The following DLGAP5 variants were observed in gnomAD, a reference collection of about 807,000 sequenced individuals.
DLGAP5 encodes the protein DLG associated protein 5, also known as disks large-associated protein 5.
DLGAP5 carries 90 observed loss-of-function variants against 99.6 expected under a neutral mutation model. That is an observed-to-expected ratio of 0.90 (90% CI 0.76 to 1.08). DLGAP5 has a LOEUF of 1.08. Among genes scored for constraint, DLGAP5 ranks in the 50% least tolerant of loss-of-function variants. The pLI is 0.00. For missense variants in DLGAP5, 1,036 were observed against 983.5 expected (o/e 1.05, Z -0.71); for synonymous variants, 311 against 321.3 (o/e 0.97, Z 0.34).
chr14:55,165,924 G>A (rs117572746), intron 12 of DLGAP5, among the ~76,000 whole-genome samples: 2,365 of 152,292 alleles, frequency 0.016, 31 homozygotes, highest in Non-Finnish European at 0.026. Flanking sequence ...TGAGGATGTC[G>A]AAAAACAGAA....
chr14:55,149,578 T>C (rs979771485), intron 18 of DLGAP5, among the ~76,000 whole-genome samples: 7 of 152,256 alleles, frequency 4.6e-5, no homozygotes, highest in Non-Finnish European at 1.0e-4. Flanking sequence ...ACTTGCTTTA[T>C]GAATGAATTT....
intron 14 of DLGAP5, among the ~76,000 whole-genome samples, chr14:55,155,387 C>T (rs1366878155): frequency 6.7e-6 from 1 of 150,340 alleles, no homozygotes; most frequent in East Asian, 2.0e-4. Context: ...ATTCTTGTTG[C>T]CCAGGCTGGA....
At chr14:55,185,059 C>G (rs1387124241) in intron 2 of DLGAP5, among the ~76,000 whole-genome samples, 1 of 152,192 alleles carries the variant, frequency 6.6e-6, no homozygotes, top group Non-Finnish European at 1.5e-5. Flanking sequence ...ATTTTTTCCT[C>G]TACTGAATTG....
intron 2 of DLGAP5, among the ~76,000 whole-genome samples, chr14:55,187,466 G>A (rs1883471308): frequency 1.3e-5 from 2 of 150,874 alleles, no homozygotes; most frequent in African/African-American, 2.4e-5. Flanking sequence ...TTACAGGTGT[G>A]TGTCACCACA....
chr14:55,183,750 G>A lies in DLGAP5; in HGVS notation c.242C>T (p.Ala81Val). The part of the protein sequence containing the change: ...VPEKTNVKPR[A>V]MKTILGDQRK... ...TTGATCACCTAGAATAGTTTTCATTGCCCCTAGGCAGAAAAAAAACCAAAA... is the reference window on the plus strand; with the variant it reads ...TTGATCACCTAGAATAGTTTTCATTACCCCTAGGCAGAAAAAAAACCAAAA... Residue 81 changes from alanine to valine, a missense_variant, in exon 3 of 19, where the codon GCA (alanine) becomes GTA (valine). Physicochemically the swap from Ala to Val is moderately conservative, Grantham distance 64. Transcript: ENST00000247191. The A allele has an allele frequency of 6.4e-7, 1 of 1,563,598 alleles. No individual in the cohort carries two copies. Among genetic ancestry groups the A allele is most frequent in the South Asian group, 1.2e-5 (1 of 83,550 alleles).
intron 12 of DLGAP5, among the ~76,000 whole-genome samples, chr14:55,167,297 C>T (rs992897631): frequency 6.7e-6 from 1 of 150,126 alleles, no homozygotes; most frequent in Non-Finnish European, 1.5e-5. Context: ...ACATATCATA[C>T]TTTTAAATCT....
intron 2 of DLGAP5, among the ~76,000 whole-genome samples, chr14:55,184,311 A>G (rs1024692912): frequency 3.9e-5 from 6 of 152,206 alleles, no homozygotes; most frequent in Non-Finnish European, 2.9e-5. Context: ...AATGCTTTTA[A>G]TATTTCTTGT....
chr14:55,162,949 G>C, intron 13 of DLGAP5, 22 bp downstream of exon 13: 2 of 1,377,800 alleles, frequency 1.5e-6, no homozygotes, highest in African/African-American at 1.5e-5. Flanking sequence ...AAAAAAATTG[G>C]ATATAAAACC....
rs1298117209 is a variant in DLGAP5 at position 55,151,881 on chromosome 14, G to C, written c.2182C>G (p.Leu728Val). The C allele has an allele frequency of 3.1e-6, 5 of 1,613,902 alleles. No homozygotes were observed. The East Asian group carries it at 6.7e-5, about 22-fold the overall frequency. The stretch of plus-strand genomic sequence containing the variant: ...TCATCTGCTACTCCACCAGCAAGAA[G>C]AGGCAAACTCATTCTCTCACTGGAT... ...CLSSERMSLP[L>V]LAGGVADDIN... is the part of the protein sequence containing the mutation. The change falls in exon 17 of 19, where the codon CTT becomes GTT. Residue 728 changes from leucine to valine, a missense_variant. Coordinates refer to ENST00000247191, the MANE Select transcript of DLGAP5 (RefSeq NM_014750.5).
chr14:55,170,144 A>G (rs539909276), intron 11 of DLGAP5, among the ~76,000 whole-genome samples: 150 of 151,558 alleles, frequency 9.9e-4, no homozygotes, highest in African/African-American at 3.4e-3. Context: ...TAAAATAATA[A>G]TAATAATAAA....
chr14:55,189,106 T>A lies in DLGAP5; in HGVS notation c.74A>T (p.His25Leu). Residue 25 changes from histidine (H) to leucine (L), a missense_variant, in exon 2 of 19, where the codon CAT (histidine) becomes CTT (leucine). By Grantham distance (99) the His-to-Leu change is moderately conservative. Coordinates refer to ENST00000247191, the MANE Select transcript of DLGAP5 (RefSeq NM_014750.5). Reference protein sequence around the residue: ...STEMIRTKIAHRKSLSQKENR... With the variant: ...STEMIRTKIALRKSLSQKENR... ...TTCTTTCTGAGACAGTGATTTCCTA[T>A]GAGCAATTTTAGTTCTAATCATTTC... 1 of 1,614,048 alleles carries A rather than the reference T, an allele frequency of 6.2e-7. No individual in the cohort carries two copies. Among genetic ancestry groups the A allele is most frequent in the Non-Finnish European group, 8.5e-7 (1 of 1,179,980 alleles).
chr14:55,173,603 C>CTCTA (rs1334648919), intron 10 of DLGAP5, among the ~76,000 whole-genome samples: 4,791 of 148,414 alleles, frequency 0.032, 275 homozygotes, highest in African/African-American at 0.11. Context: ...CTCTCTCTCT[C>CTCTA]TATATATATA....
At chr14:55,175,833 G>T in intron 9 of DLGAP5, 61 bp downstream of exon 9, 1 of 1,412,976 alleles carries the variant, frequency 7.1e-7, no homozygotes, top group Non-Finnish European at 9.5e-7. Flanking sequence ...ATACCTGAAA[G>T]CAAAATATTT....
At chr14:55,158,048 C>A (rs1462199957) in intron 14 of DLGAP5, among the ~76,000 whole-genome samples, 1 of 152,232 alleles carries the variant, frequency 6.6e-6, no homozygotes, top group Non-Finnish European at 1.5e-5. Context: ...TAGGCATGAA[C>A]CAACACACAC....
At position 55,154,732 on chromosome 14, in the gene DLGAP5, T is replaced by G; in HGVS notation, c.1948A>C (p.Ser650Arg). Residue 650 changes from serine (S) to arginine (R), a missense_variant, in exon 15 of 19, where the codon AGT (serine) becomes CGT (arginine). Ser to Arg is a moderately radical substitution (Grantham distance 110). Coordinates refer to ENST00000247191, the MANE Select transcript of DLGAP5 (RefSeq NM_014750.5). Reference protein sequence around the residue: ...PKSVNKAVSQSRNEMGIPQQT... With the variant: ...PKSVNKAVSQRRNEMGIPQQT... Reference sequence around the variant, plus strand: ...TGTGGAATGCCCATCTCATTTCTACTCTGAGATACAGCTTTGTTGACAGAC... The same window carrying G: ...TGTGGAATGCCCATCTCATTTCTACGCTGAGATACAGCTTTGTTGACAGAC... 6.2e-7 allele frequency: 1 copy of G among 1,614,154 alleles called. No homozygotes were observed. The highest frequency in any genetic ancestry group is 8.5e-7 in the Non-Finnish European group (1 of 1,179,970).
intron 18 of DLGAP5, among the ~76,000 whole-genome samples, chr14:55,149,816 G>C (rs776103026): frequency 1.3e-4 from 1 of 7,904 alleles, no homozygotes; most frequent in East Asian, 2.0e-3. Context: ...GAATCGGGGC[G>C]GGGGGGGGGC....
intron 12 of DLGAP5, among the ~76,000 whole-genome samples, chr14:55,168,436 C>T (rs549149487): frequency 2.0e-4 from 31 of 152,308 alleles, no homozygotes; most frequent in South Asian, 8.3e-4. Flanking sequence ...ATCCAAATAG[C>T]TCTCTTCCTA....
At chr14:55,177,676 T>TA (rs1883127313) in intron 7 of DLGAP5, among the ~76,000 whole-genome samples, 1 of 151,784 alleles carries the variant, frequency 6.6e-6, no homozygotes, top group Non-Finnish European at 1.5e-5. Context: ...TAGCTGGGAC[T>TA]ACAGACGCCC....
rs1402710402 is a variant in DLGAP5, at chr14:55,179,716, ATATT to A, written c.704-21_704-18del. On this transcript the variant is annotated intron_variant, in intron 6 of 18. Coordinates refer to ENST00000247191, the MANE Select transcript of DLGAP5 (RefSeq NM_014750.5). ...GTTCGTTTTCTAAAACAACAATAAAATATTTATTTTACTAGATAGAAATGCTACA... is the reference window on the plus strand; with the variant it reads ...GTTCGTTTTCTAAAACAACAATAAAATATTTTACTAGATAGAAATGCTACA... 2 of 1,595,668 alleles carry A rather than the reference ATATT, an allele frequency of 1.3e-6. No homozygotes were observed. The highest frequency in any genetic ancestry group is 2.3e-5 in the South Asian group (2 of 87,814).
Sources: allele counts gnomAD v4.1 joint callset (sites outside exome capture counted in the v4.1 genomes callset), GRCh38; gene constraint gnomAD v4.1.1; transcripts MANE v1.5; gene names NCBI Gene and HGNC (gene_info 2026-07-23, HGNC 2026-07-21).